The following CAMTA1 variants were observed in gnomAD, a reference collection of about 807,000 sequenced individuals.
The protein encoded by CAMTA1 is calmodulin-binding transcription activator 1.
A neutral mutation model predicts 170.9 loss-of-function variants in CAMTA1; 27 were observed. That is an observed-to-expected ratio of 0.16 (90% confidence interval 0.12 to 0.22). The LOEUF (loss-of-function observed/expected upper bound fraction) is 0.22, where lower values mean the gene tolerates loss of function less well. Ranked by LOEUF, CAMTA1 falls within the 10% of genes least tolerant of loss-of-function variation. The pLI is 1.00. For synonymous variants in CAMTA1, 833 were observed against 891.5 expected, an observed-to-expected ratio of 0.93 and a Z score of 1.17; for missense variants, 1,619 against 2,217.2, an observed-to-expected ratio of 0.73 and a Z score of 5.42.
At chr1:7,465,272 C>A (rs1416529743) in intron 5 of CAMTA1, among the ~76,000 whole-genome samples, 2 of 152,174 alleles carry the variant, frequency 1.3e-5, no homozygotes, top group African/African-American at 4.8e-5. Context: ...GTAAATTAAC[C>A]AAATAACCAA....
intron 4 of CAMTA1, among the ~76,000 whole-genome samples, chr1:7,135,770 C>G (rs1035990688): frequency 6.6e-6 from 1 of 152,154 alleles, no homozygotes; most frequent in African/African-American, 2.4e-5. Flanking sequence ...CTTTCTGACT[C>G]TCTATCTGTC....
chr1:7,289,899 T>A (rs1484274245), intron 5 of CAMTA1, among the ~76,000 whole-genome samples: 2 of 152,182 alleles, frequency 1.3e-5, no homozygotes, highest in Admixed American at 1.3e-4. Flanking sequence ...AACACCTTAA[T>A]CTTGACCAAG....
chr1:7,496,842 C>G (rs1453196375), intron 6 of CAMTA1, among the ~76,000 whole-genome samples: 2 of 151,460 alleles, frequency 1.3e-5, no homozygotes, highest in African/African-American at 4.9e-5. Flanking sequence ...GCCCCAACAC[C>G]ACCTCCCAGG....
At chr1:7,655,390 GCACA>G (rs1218622130) in intron 7 of CAMTA1, among the ~76,000 whole-genome samples, 1 of 114,136 alleles carries the variant, frequency 8.8e-6, no homozygotes, top group African/African-American at 3.5e-5. Context: ...ACACACGTAT[GCACA>G]CAAATACACC....
rs1187700479 is a variant in CAMTA1, at chr1:7,738,874, A to G, written c.4182+392A>G. Among the ~76,000 whole-genome samples the G allele has an allele frequency of 6.6e-6, 1 of 152,198 alleles. No individual in the cohort carries two copies. The highest frequency in any genetic ancestry group is 1.5e-5 in the Non-Finnish European group (1 of 68,038). On this transcript the variant is annotated intron_variant, in intron 16 of 22. Coordinates refer to ENST00000303635, the MANE Select transcript of CAMTA1 (RefSeq NM_015215.4). The surrounding 1 kb of genome is among the most constrained non-coding windows in gnomAD (Gnocchi z 4.9). ...AATAGCTAGAACAGGAAGCCCGTGG[A>G]TAGATTTTGAATTATCTGAGTGACC...
At chr1:7,727,090 A>G (rs1354277912) in intron 11 of CAMTA1, among the ~76,000 whole-genome samples, 5 of 150,820 alleles carry the variant, frequency 3.3e-5, no homozygotes, top group East Asian at 3.9e-4. Context: ...TCTACGCATT[A>G]TTCCTACTCC....
At position 7,249,465 on chromosome 1, in the gene CAMTA1, G is replaced by A. The variant is rs549140419; in HGVS notation, c.303-26G>A. 2.9e-5 allele frequency: 46 copies of A among 1,599,434 alleles called. No individual in the cohort carries two copies. In the South Asian group the frequency reaches 5.2e-4, roughly 18 times the overall value. On this transcript the variant is annotated intron_variant, in intron 4 of 22. Transcript: ENST00000303635. This position sits in a 1 kb window ranked among gnomAD's most constrained non-coding sequence, Gnocchi z 4.4. ...ATTTTTCTTCTACTTGGTACTCTTG[G>A]TAACTTAACCATTTGTTGTTTCCAG... is the stretch of plus-strand genomic sequence containing the variant.
intron 17 of CAMTA1, 137 bp from the exon 18 acceptor site, chr1:7,745,708 G>A (rs2096852445): frequency 4.1e-6 from 4 of 975,690 alleles, no homozygotes; most frequent in Non-Finnish European, 6.3e-6. Flanking sequence ...TTAGCAACTT[G>A]CCTAACTGAA....
Position 7,674,184 on chromosome 1 carries a change from C to T in CAMTA1, c.2779+3147C>T, listed in dbSNP as rs1315008689. 6.6e-6 allele frequency among the ~76,000 whole-genome samples: 1 copy of T among 152,198 alleles called. No homozygotes were observed. The highest frequency in any genetic ancestry group is 1.5e-5 in the Non-Finnish European group (1 of 68,032). On this transcript the variant is annotated intron_variant, in intron 10 of 22. Coordinates refer to ENST00000303635, the MANE Select transcript of CAMTA1 (RefSeq NM_015215.4). The surrounding 1 kb of genome is among the most constrained non-coding windows in gnomAD (Gnocchi z 4.1). ...CCCACCCGTCTCCCAACACACCTGCCCAAGCAAAACAGATGAGCAGGGTCC... is the reference window on the plus strand; with the variant it reads ...CCCACCCGTCTCCCAACACACCTGCTCAAGCAAAACAGATGAGCAGGGTCC...
intron 3 of CAMTA1, among the ~76,000 whole-genome samples, chr1:6,875,380 C>T (rs1348193850): frequency 2.0e-5 from 3 of 152,144 alleles, no homozygotes; most frequent in Non-Finnish European, 4.4e-5. Flanking sequence ...CAACCTCTGC[C>T]TCCTGGGTTC....
intron 11 of CAMTA1, among the ~76,000 whole-genome samples, chr1:7,727,323 C>T (rs1345506991): frequency 1.3e-5 from 2 of 152,182 alleles, no homozygotes; most frequent in Admixed American, 6.5e-5. Flanking sequence ...GGGGTTTCAC[C>T]GTGTTAGCCA....
At chr1:7,049,735 A>G (rs755887591) in intron 3 of CAMTA1, among the ~76,000 whole-genome samples, 3 of 152,168 alleles carry the variant, frequency 2.0e-5, no homozygotes, top group Non-Finnish European at 4.4e-5. Flanking sequence ...TGGGATCCCA[A>G]AGTGCAAGAG....
chr1:6,893,041 G>C (rs1035182856), intron 3 of CAMTA1, among the ~76,000 whole-genome samples: 1 of 152,086 alleles, frequency 6.6e-6, no homozygotes, highest in African/African-American at 2.4e-5. Flanking sequence ...AGCACTTTTG[G>C]GAGGCCGAGG....
chr1:7,418,639 G>A (rs948465295), intron 5 of CAMTA1, among the ~76,000 whole-genome samples: 4 of 152,214 alleles, frequency 2.6e-5, no homozygotes, highest in East Asian at 1.9e-4. Flanking sequence ...ACTCCACATC[G>A]CCACTTGGCT....
At chr1:7,441,297 A>G (rs1488810031) in intron 5 of CAMTA1, 1 of 152,278 alleles carries the variant, frequency 6.6e-6, no homozygotes, top group Non-Finnish European at 1.5e-5. Flanking sequence ...GCTTGACTGA[A>G]AAACTACCAT....
chr1:7,655,915 C>T (rs2095899014), intron 7 of CAMTA1, among the ~76,000 whole-genome samples: 1 of 152,200 alleles, frequency 6.6e-6, no homozygotes, highest in Non-Finnish European at 1.5e-5. Flanking sequence ...GAATGTTTTC[C>T]TCCGAAACTC....
chr1:6,818,357 T>TC (rs1557620080), intron 1 of CAMTA1, among the ~76,000 whole-genome samples: 50 of 152,216 alleles, frequency 3.3e-4, no homozygotes, highest in African/African-American at 1.2e-3. Context: ...AACAAACAAA[T>TC]AACAACAAAT....
intron 3 of CAMTA1, among the ~76,000 whole-genome samples, chr1:7,062,186 G>A (rs1419961717): frequency 6.6e-6 from 1 of 152,078 alleles, no homozygotes; most frequent in Non-Finnish European, 1.5e-5. Context: ...CCAAAGTGCT[G>A]GGATTACAGA....
chr1:7,552,886 A>G (rs2094822149), intron 6 of CAMTA1, among the ~76,000 whole-genome samples: 1 of 152,162 alleles, frequency 6.6e-6, no homozygotes. Context: ...CCGCACGGAG[A>G]GCCTCTTACC....
Sources: gnomAD v4.1 joint callset for allele counts (sites outside exome capture counted in the v4.1 genomes callset) on GRCh38, gnomAD v4.1.1 for gene constraint, Gnocchi (gnomAD v3.1) non-coding constraint, MANE v1.5 for transcripts, NCBI Gene and HGNC (gene_info 2026-07-23, HGNC 2026-07-21) for gene names.